The following SGMS1 variants were observed in gnomAD, a reference collection of about 807,000 sequenced individuals.
SGMS1 encodes phosphatidylcholine:ceramide cholinephosphotransferase 1.
SGMS1 carries 13 observed loss-of-function variants against 46.2 expected under a neutral mutation model. The observed-to-expected ratio is 0.28, with a 90% CI of 0.18 to 0.45. SGMS1 has a LOEUF of 0.45. Among genes scored for constraint, SGMS1 ranks in the 20% least tolerant of loss-of-function variants. The probability of loss-of-function intolerance (pLI) is 1.00; values close to 1 mark genes in which losing one functional copy is unlikely to be tolerated. For missense variants in SGMS1, 324 were observed against 519.9 expected (o/e 0.62, Z 3.66); for synonymous variants, 203 against 187.8 (o/e 1.08, Z -0.66).
intron 8 of SGMS1, among the ~76,000 whole-genome samples, chr10:50,320,735 C>T (rs1255034591): frequency 6.6e-6 from 1 of 152,214 alleles, no homozygotes; most frequent in Non-Finnish European, 1.5e-5. Context: ...CTTCCATACC[C>T]GTTGTTTCCT....
rs1456590395 is a variant in SGMS1, at chr10:50,307,789, CA to C, written c.1062+192del. ...TATTCTAGAAGGAAGTAATTCCTCA[CA>C]TCATTATATTAATAAACTTTTTATT... On this transcript the variant is annotated intron_variant, in intron 10 of 10. Coordinates refer to ENST00000361781, the MANE Select transcript of SGMS1 (RefSeq NM_147156.4). This position sits in a 1 kb window ranked among gnomAD's most constrained non-coding sequence, Gnocchi z 4.2. 6.6e-6 allele frequency among the ~76,000 whole-genome samples: 1 copy of C among 152,112 alleles called. No individual in the cohort carries two copies. Among genetic ancestry groups the C allele is most frequent in the Non-Finnish European group, 1.5e-5 (1 of 68,030 alleles).
intron 2 of SGMS1, among the ~76,000 whole-genome samples, chr10:50,522,780 C>CT (rs769785026): frequency 1.3e-5 from 2 of 152,106 alleles, no homozygotes; most frequent in Non-Finnish European, 2.9e-5. Context: ...AGGTATTCAG[C>CT]AAGGTCTCTT....
At chr10:50,361,897 T>C (rs1185514362) in intron 6 of SGMS1, among the ~76,000 whole-genome samples, 1 of 152,230 alleles carries the variant, frequency 6.6e-6, no homozygotes, top group African/African-American at 2.4e-5. Flanking sequence ...AGCCTTGCCC[T>C]ACAAGCTCTG....
intron 9 of SGMS1, among the ~76,000 whole-genome samples, chr10:50,310,599 A>C (rs1847238820): frequency 6.6e-6 from 1 of 151,654 alleles, no homozygotes. Context: ...AAAGGAATGA[A>C]AAGGTTTTAA....
chr10:50,527,905 T>A (rs1837918741), intron 2 of SGMS1, among the ~76,000 whole-genome samples: 1 of 152,204 alleles, frequency 6.6e-6, no homozygotes, highest in East Asian at 1.9e-4. Context: ...GGCAGCTCTG[T>A]GGTCTTCAAC....
chr10:50,349,432 C>T (rs1365922251), intron 6 of SGMS1, among the ~76,000 whole-genome samples: 4 of 152,188 alleles, frequency 2.6e-5, no homozygotes, highest in East Asian at 1.9e-4. Flanking sequence ...AGGGAGCCTG[C>T]GTTTGAGAGT....
At chr10:50,527,417 C>T (rs975530868) in intron 2 of SGMS1, among the ~76,000 whole-genome samples, 3 of 152,164 alleles carry the variant, frequency 2.0e-5, no homozygotes, top group African/African-American at 7.2e-5. Flanking sequence ...TAAAGTATTA[C>T]TTATTATCCC....
At chr10:50,512,982 A>T (rs1278681254) in intron 3 of SGMS1, among the ~76,000 whole-genome samples, 1 of 152,134 alleles carries the variant, frequency 6.6e-6, no homozygotes, top group African/African-American at 2.4e-5. Context: ...GCTGAAATAC[A>T]CCACAAAATG....
chr10:50,478,555 G>A (rs989562899), intron 3 of SGMS1, among the ~76,000 whole-genome samples: 9 of 152,142 alleles, frequency 5.9e-5, no homozygotes, highest in Non-Finnish European at 1.3e-4. Flanking sequence ...CAGTGAGTAG[G>A]AGGTTAATTG....
intron 6 of SGMS1, among the ~76,000 whole-genome samples, chr10:50,408,431 TAA>T (rs71029307): frequency 5.1e-4 from 49 of 95,214 alleles, no homozygotes; most frequent in South Asian, 7.7e-4. Flanking sequence ...CCTCATCTCT[TAA>T]AAAAAAAAAA....
At chr10:50,391,606 T>C (rs1848768284) in intron 6 of SGMS1, among the ~76,000 whole-genome samples, 1 of 152,176 alleles carries the variant, frequency 6.6e-6, no homozygotes, top group Admixed American at 6.5e-5. Flanking sequence ...GAAAGCAGTT[T>C]GGTGATTTCT....
At chr10:50,349,210 C>T (rs1312380483) in intron 6 of SGMS1, among the ~76,000 whole-genome samples, 1 of 152,176 alleles carries the variant, frequency 6.6e-6, no homozygotes, top group East Asian at 1.9e-4. Context: ...CTGTGCTTCC[C>T]CATAACTTGG....
intron 2 of SGMS1, among the ~76,000 whole-genome samples, chr10:50,560,107 A>C (rs1451630951): frequency 6.8e-6 from 1 of 147,224 alleles, no homozygotes; most frequent in Non-Finnish European, 1.5e-5. Flanking sequence ...TATAGATTAT[A>C]TAATATATTA....
intron 5 of SGMS1, among the ~76,000 whole-genome samples, chr10:50,447,429 A>T (rs2133651924): frequency 6.6e-6 from 1 of 152,306 alleles, no homozygotes; most frequent in South Asian, 2.1e-4. Context: ...GGGAAAATGT[A>T]TCATTTCTTT....
chr10:50,345,240 G>C (rs962804501), intron 6 of SGMS1, among the ~76,000 whole-genome samples: 1 of 152,040 alleles, frequency 6.6e-6, no homozygotes, highest in Non-Finnish European at 1.5e-5. Context: ...CCAAGGTCCT[G>C]ACTGCTCTGT....
At chr10:50,314,747 ACTGT>A (rs1192887405) in intron 8 of SGMS1, among the ~76,000 whole-genome samples, 2 of 151,756 alleles carry the variant, frequency 1.3e-5, no homozygotes, top group African/African-American at 4.9e-5. Flanking sequence ...ACATGGCGAG[ACTGT>A]CTGTACAAAA....
chr10:50,525,577 C>A (rs1170550106), intron 2 of SGMS1, among the ~76,000 whole-genome samples: 1 of 152,162 alleles, frequency 6.6e-6, no homozygotes, highest in Non-Finnish European at 1.5e-5. Flanking sequence ...GTTATCAATG[C>A]TGGGCTCTAC....
At chr10:50,606,641 T>TC (rs1287085011) in intron 1 of SGMS1, among the ~76,000 whole-genome samples, 4 of 152,236 alleles carry the variant, frequency 2.6e-5, no homozygotes, top group African/African-American at 7.2e-5. Context: ...AATCTGACCT[T>TC]CAGTCTCAGT....
intron 2 of SGMS1, among the ~76,000 whole-genome samples, chr10:50,576,195 T>C (rs1420764296): frequency 6.6e-6 from 1 of 152,188 alleles, no homozygotes; most frequent in Admixed American, 6.5e-5. Context: ...GTAATGGATG[T>C]GCTGAGGCAG....
Sources: allele counts gnomAD v4.1 joint callset (sites outside exome capture counted in the v4.1 genomes callset), GRCh38; gene constraint gnomAD v4.1.1; non-coding constraint Gnocchi (gnomAD v3.1); transcripts MANE v1.5; gene names NCBI Gene and HGNC (gene_info 2026-07-23, HGNC 2026-07-21).